The following ANKRD28 variants were observed in gnomAD, a reference collection of about 807,000 sequenced individuals.
ANKRD28 encodes the protein ankyrin repeat domain 28.
A neutral mutation model predicts 126.5 loss-of-function variants in ANKRD28; 44 were observed. The ratio of observed to expected loss-of-function variants is 0.35; its 90% CI spans 0.27 to 0.45. ANKRD28 has a LOEUF of 0.45. ANKRD28 is among the 20% of genes least tolerant of loss of function. ANKRD28 has a pLI of 1.00. For synonymous variants in ANKRD28, 442 were observed against 468.5 expected, an observed-to-expected ratio of 0.94 and a Z score of 0.73; for missense variants, 1,110 against 1,316.6, an observed-to-expected ratio of 0.84 and a Z score of 2.43.
At chr3:15,791,660 T>TG (rs1453489768) in intron 2 of ANKRD28, among the ~76,000 whole-genome samples, 15 of 151,988 alleles carry the variant, frequency 9.9e-5, no homozygotes, top group Admixed American at 4.6e-4. Context: ...AAGAAAACAC[T>TG]GGGGAAAATC....
intron 18 of ANKRD28, among the ~76,000 whole-genome samples, chr3:15,689,496 G>C (rs927468621): frequency 7.2e-5 from 11 of 152,222 alleles, no homozygotes; most frequent in Non-Finnish European, 1.5e-4. Flanking sequence ...TGTTTTCCAA[G>C]AGAGGCCACA....
intron 2 of ANKRD28, among the ~76,000 whole-genome samples, chr3:15,792,268 C>A (rs1007335414): frequency 6.6e-6 from 1 of 152,132 alleles, no homozygotes; most frequent in African/African-American, 2.4e-5. Context: ...ATCTGCACTC[C>A]TATGTTTGTT....
Position 15,690,006 on chromosome 3 carries a change from A to G in ANKRD28, c.1963+13T>C, listed in dbSNP as rs1334735419. 4 of 1,590,374 alleles carry G rather than the reference A, an allele frequency of 2.5e-6. No homozygotes were observed. The highest frequency in any genetic ancestry group is 2.3e-5 in the South Asian group (2 of 87,576). ...AGAAGTTATAAATAAATCAAGCATA[A>G]TATCTGGCATACCTGCTGCATGAAT... is the stretch of plus-strand genomic sequence containing the variant. On this transcript the variant is annotated intron_variant, in intron 18 of 27. Coordinates refer to ENST00000683139, the MANE Select transcript of ANKRD28 (RefSeq NM_001349278.2).
chr3:15,814,931 C>T lies in ANKRD28; in HGVS notation c.28-19625G>A, dbSNP rs2060802179. On this transcript the variant is annotated intron_variant, in intron 1 of 27. Coordinates refer to the ANKRD28 transcript ENST00000399451. This position sits in a 1 kb window ranked among gnomAD's most constrained non-coding sequence, Gnocchi z 4.7. ...TTTTTAAAGGTTAGGATAATACATA[C>T]ATATTATTTAGTAACTTGCTTGTCT... Among the ~76,000 whole-genome samples, 1 of 150,260 alleles carries T rather than the reference C, an allele frequency of 6.7e-6. No individual in the cohort carries two copies. The highest frequency in any genetic ancestry group is 1.5e-5 in the Non-Finnish European group (1 of 67,590).
intron 3 of ANKRD28, among the ~76,000 whole-genome samples, chr3:15,757,612 G>A (rs2058232802): frequency 1.3e-5 from 2 of 152,168 alleles, no homozygotes; most frequent in South Asian, 4.1e-4. Context: ...AGTGGCCCAA[G>A]AGCGCTCCCT....
chr3:15,795,747 A>C (rs1018882550), intron 1 of ANKRD28, among the ~76,000 whole-genome samples: 4 of 152,168 alleles, frequency 2.6e-5, no homozygotes, highest in African/African-American at 7.2e-5. Context: ...TTAGCATTAC[A>C]TGTATAAAGA....
chr3:15,797,525 C>T lies in ANKRD28; in HGVS notation c.-1004G>A. 7.1e-6 allele frequency: 7 copies of T among 984,236 alleles called. No individual in the cohort carries two copies. The highest frequency in any genetic ancestry group is 8.4e-6 in the Non-Finnish European group (7 of 829,758). The allele number at this position is 984,236 out of a possible 1,614,324, so 61.0% of individuals were successfully genotyped here. A position where few individuals can be genotyped will look rare whatever the true frequency, so the allele number is the denominator to read the frequency against. On this transcript the variant is annotated 5_prime_UTR_variant, in exon 1 of 28. Transcript: ENST00000683139. Reference sequence around the variant, plus strand: ...GTGAAGGAATTAGAAGGCATTTGAGCTCAAATTACTGCTTCAGGCTTTTTG... The same window carrying T: ...GTGAAGGAATTAGAAGGCATTTGAGTTCAAATTACTGCTTCAGGCTTTTTG...
intron 6 of ANKRD28, 102 bp from the exon 7 acceptor site, chr3:15,724,626 T>A (rs779580238): frequency 5.5e-5 from 59 of 1,071,286 alleles, no homozygotes; most frequent in Admixed American, 1.3e-4. Flanking sequence ...GCAAAATAGA[T>A]GATGCATGAC....
chr3:15,745,518 G>GT (rs2057417793), intron 4 of ANKRD28, among the ~76,000 whole-genome samples: 4 of 152,222 alleles, frequency 2.6e-5, no homozygotes, highest in African/African-American at 7.2e-5. Context: ...TCAGTTGGCT[G>GT]TAAGTATTTG....
At chr3:15,736,502 G>A (rs1410563752) in intron 5 of ANKRD28, among the ~76,000 whole-genome samples, 1 of 152,120 alleles carries the variant, frequency 6.6e-6, no homozygotes, top group African/African-American at 2.4e-5. Context: ...AGACAAGTTG[G>A]CTTCAAAGGT....
intron 8 of ANKRD28, 79 bp downstream of exon 8, chr3:15,720,836 T>C: frequency 7.9e-7 from 1 of 1,258,524 alleles, no homozygotes; most frequent in Non-Finnish European, 1.1e-6. Context: ...TTCCTTTTTA[T>C]TGCTCAATGG....
At chr3:15,750,830 G>A (rs1230294960) in intron 4 of ANKRD28, among the ~76,000 whole-genome samples, 1 of 152,076 alleles carries the variant, frequency 6.6e-6, no homozygotes, top group Non-Finnish European at 1.5e-5. Flanking sequence ...ACACTTAGGA[G>A]TTCCTTTCTT....
rs535516050 is a variant in ANKRD28 at position 15,691,125 on chromosome 3, CT to C, written c.1762-906del. ...TGAAGATTTGTCAGACTGAAGTTGT[CT>C]TTTTTTTTTTTTTTTGAGACGGAGT... On this transcript the variant is annotated intron_variant, in intron 17 of 27. Coordinates refer to ENST00000683139, the MANE Select transcript of ANKRD28 (RefSeq NM_001349278.2). 3.4e-3 allele frequency among the ~76,000 whole-genome samples: 484 copies of C among 141,424 alleles called. 2 individuals are homozygous for C. The highest frequency in any genetic ancestry group is 0.021 in the East Asian group (103 of 4,876). 92.8% of individuals were successfully genotyped at this position (141,424 alleles called of 152,430 possible). A position where few individuals can be genotyped will look rare whatever the true frequency, so the allele number is the denominator to read the frequency against.
chr3:15,761,952 GT>G (rs2058478738), intron 3 of ANKRD28, among the ~76,000 whole-genome samples: 1 of 152,016 alleles, frequency 6.6e-6, no homozygotes, highest in South Asian at 2.1e-4. Flanking sequence ...TTGGGAGGCC[GT>G]GGTGGGTGGA....
At chr3:15,724,271 C>G (rs2073999227) in intron 7 of ANKRD28, 111 bp downstream of exon 7, 1 of 949,170 alleles carries the variant, frequency 1.1e-6, no homozygotes, top group Non-Finnish European at 1.5e-6. Context: ...CCAATTAAAA[C>G]ATGAAAACAT....
chr3:15,676,220 A>C, intron 26 of ANKRD28: 1 of 392,826 alleles, frequency 2.5e-6, no homozygotes. Context: ...CATAGGTCCC[A>C]TCGACAGGTC....
chr3:15,707,394 T>G (rs1379178757), intron 14 of ANKRD28, among the ~76,000 whole-genome samples: 1 of 152,212 alleles, frequency 6.6e-6, no homozygotes, highest in African/African-American at 2.4e-5. Flanking sequence ...TTACTTATTC[T>G]GCCATCTAAT....
At chr3:15,682,246 ATCAG>A (rs966032777) in intron 21 of ANKRD28, among the ~76,000 whole-genome samples, 31 of 152,222 alleles carry the variant, frequency 2.0e-4, no homozygotes, top group African/African-American at 7.2e-4. Context: ...TTTTAAATAA[ATCAG>A]TAAGTATTTA....
chr3:15,694,055 C>T (rs2069178532), intron 17 of ANKRD28, among the ~76,000 whole-genome samples: 1 of 151,936 alleles, frequency 6.6e-6, no homozygotes, highest in South Asian at 2.1e-4. Context: ...TCAAAGTACC[C>T]CCTTCCCTAC....
Sources: gnomAD v4.1 joint callset for allele counts (sites outside exome capture counted in the v4.1 genomes callset) on GRCh38, gnomAD v4.1.1 for gene constraint, Gnocchi (gnomAD v3.1) non-coding constraint, MANE v1.5 for transcripts, NCBI Gene and HGNC (gene_info 2026-07-23, HGNC 2026-07-21) for gene names.